The following ATP5PO variants were observed in gnomAD, a reference collection of about 807,000 sequenced individuals.
ATP5PO encodes the protein ATP synthase peripheral stalk subunit OSCP.
Under a neutral mutation model 26.2 loss-of-function variants are expected in ATP5PO, and 14 were observed. The ratio of observed to expected loss-of-function variants is 0.53; its 90% CI spans 0.35 to 0.83. The LOEUF (loss-of-function observed/expected upper bound fraction) is 0.83, where lower values mean the gene tolerates loss of function less well. Among genes scored for constraint, ATP5PO ranks in the 40% least tolerant of loss-of-function variants. The pLI is 0.01. For missense variants in ATP5PO, 241 were observed against 258.5 expected (o/e 0.93, Z 0.46); for synonymous variants, 106 against 95.1 (o/e 1.12, Z -0.67).
intron 5 of ATP5PO, among the ~76,000 whole-genome samples, chr21:33,905,724 C>T (rs1327790351): frequency 6.6e-6 from 1 of 151,794 alleles, no homozygotes; most frequent in African/African-American, 2.4e-5. Context: ...ACCAGCCTGG[C>T]CAACATGGTG....
At chr21:33,906,028 C>A (rs147233885) in intron 5 of ATP5PO, among the ~76,000 whole-genome samples, 1 of 151,878 alleles carries the variant, frequency 6.6e-6, no homozygotes, top group African/African-American at 2.4e-5. Flanking sequence ...CTAATCTGTG[C>A]CACACTGTTA....
chr21:33,904,476 T>C (rs547232857), intron 5 of ATP5PO, among the ~76,000 whole-genome samples: 7 of 152,312 alleles, frequency 4.6e-5, no homozygotes, highest in African/African-American at 1.7e-4. Context: ...TTTTACATCT[T>C]CATGTTTGCC....
intron 3 of ATP5PO, among the ~76,000 whole-genome samples, chr21:33,910,674 G>C (rs1400753463): frequency 6.6e-6 from 1 of 152,168 alleles, no homozygotes; most frequent in African/African-American, 2.4e-5. Flanking sequence ...GCCTGTGTGA[G>C]ACCCCGTCTG....
intron 5 of ATP5PO, among the ~76,000 whole-genome samples, chr21:33,904,416 C>T (rs1022692364): frequency 5.3e-5 from 8 of 152,200 alleles, no homozygotes; most frequent in Admixed American, 3.9e-4. Context: ...CCTGGGGACA[C>T]GACATGCATC....
intron 5 of ATP5PO, among the ~76,000 whole-genome samples, chr21:33,905,738 C>T (rs566455490): frequency 6.6e-6 from 1 of 152,014 alleles, no homozygotes; most frequent in South Asian, 2.1e-4. Flanking sequence ...CATGGTGAAA[C>T]TCCATCTCTA....
At chr21:33,907,315 C>A (rs1301258616) in intron 5 of ATP5PO, 26 bp downstream of exon 5, 1 of 1,576,270 alleles carries the variant, frequency 6.3e-7, no homozygotes, top group Admixed American at 1.7e-5. Flanking sequence ...TCAAGGCAAA[C>A]ACAGCAGCAA....
intron 5 of ATP5PO, chr21:33,906,867 T>C: frequency 2.3e-6 from 1 of 429,196 alleles, no homozygotes; most frequent in South Asian, 1.7e-5. Context: ...GGGGGTGCAC[T>C]GTAATCCCAG....
In ATP5PO at chr21:33,915,570, G is replaced by T. The variant is rs571504008; in HGVS notation, c.36+158C>A. Reference sequence around the variant, plus strand: ...CCCGTAGGCATCCCGGGGGACAAACGCTGGGTCGTCCTGAGTCGCTCCCAC... The same window carrying T: ...CCCGTAGGCATCCCGGGGGACAAACTCTGGGTCGTCCTGAGTCGCTCCCAC... On this transcript the variant is annotated intron_variant, in intron 1 of 6. Transcript: ENST00000290299. The T allele has an allele frequency of 1.4e-5, 16 of 1,133,220 alleles. No individual in the cohort carries two copies. The South Asian group carries it at 1.7e-4, about 12-fold the overall frequency. The allele number at this position is 1,133,220 out of a possible 1,614,324, so 70.2% of individuals were successfully genotyped here. A position where few individuals can be genotyped will look rare whatever the true frequency, so the allele number is the denominator to read the frequency against.
chr21:33,904,043 T>C (rs754700688), intron 5 of ATP5PO, 22 bp from the exon 6 acceptor site: 35 of 1,583,230 alleles, frequency 2.2e-5, no homozygotes, highest in Non-Finnish European at 3.0e-5. Flanking sequence ...AACCATCCTT[T>C]CAATTTAGAT....
chr21:33,913,348 G>A (rs184014451), intron 2 of ATP5PO, among the ~76,000 whole-genome samples: 125 of 152,268 alleles, frequency 8.2e-4, no homozygotes, highest in Non-Finnish European at 1.4e-3. Context: ...TCCAAGGGGC[G>A]GACTGGCTCA....
intron 3 of ATP5PO, among the ~76,000 whole-genome samples, chr21:33,911,825 C>T (rs898506225): frequency 6.6e-6 from 1 of 151,798 alleles, no homozygotes; most frequent in Non-Finnish European, 1.5e-5. Flanking sequence ...TACCACGTCC[C>T]GCTAATTTTT....
intron 1 of ATP5PO, chr21:33,915,474 G>A: frequency 7.3e-6 from 4 of 549,764 alleles, no homozygotes; most frequent in Non-Finnish European, 9.4e-6. Flanking sequence ...GCGCCCCTCA[G>A]GCTAGCAGCT....
chr21:33,915,410 G>A (rs1309741895), intron 1 of ATP5PO: 19 of 430,954 alleles, frequency 4.4e-5, no homozygotes. Flanking sequence ...GCTGATTTGG[G>A]GGCTAGTCCA....
At chr21:33,907,195 A>G (rs912176329) in intron 5 of ATP5PO, 146 bp downstream of exon 5, 1 of 681,112 alleles carries the variant, frequency 1.5e-6, no homozygotes, top group African/African-American at 1.8e-5. Context: ...GGGTCACAGA[A>G]GCTGATATAA....
At chr21:33,908,787 C>T (rs1003477983) in intron 4 of ATP5PO, 4 of 280,370 alleles carry the variant, frequency 1.4e-5, no homozygotes, top group Non-Finnish European at 2.7e-5. Flanking sequence ...GGCCACGAAC[C>T]ATTTTCTTGG....
intron 1 of ATP5PO, chr21:33,914,981 A>G (rs757672401): frequency 6.5e-6 from 1 of 154,100 alleles, no homozygotes; most frequent in Non-Finnish European, 1.4e-5. Flanking sequence ...TATCCTGCCC[A>G]TCAAAAGACA....
At chr21:33,907,504 T>G (rs1242098508) in intron 4 of ATP5PO, 51 bp from the exon 5 acceptor site, 10 of 1,499,634 alleles carry the variant, frequency 6.7e-6, no homozygotes, top group Non-Finnish European at 8.4e-6. Flanking sequence ...GAACAAGTTA[T>G]TCATGAAGTT....
rs1168476512 is a variant in ATP5PO at position 33,904,825 on chromosome 21, C to T, written c.442-804G>A. Among the ~76,000 whole-genome samples, 5 of 152,302 alleles carry T rather than the reference C, an allele frequency of 3.3e-5. No individual in the cohort carries two copies. In the East Asian group the frequency reaches 9.6e-4, roughly 29 times the overall value. ...GCGAGATCTCGGCTTACTGTAGCCT[C>T]CGCCTCCCAGGTTCAAGTGATTCTC... is the stretch of plus-strand genomic sequence containing the variant. On this transcript the variant is annotated intron_variant, in intron 5 of 6. Transcript: ENST00000290299.
At chr21:33,908,843 C>G in intron 4 of ATP5PO, 1 of 409,026 alleles carries the variant, frequency 2.4e-6, no homozygotes. Flanking sequence ...ACTGACTATA[C>G]AATTAGACAT....
Sources: allele counts gnomAD v4.1 joint callset (sites outside exome capture counted in the v4.1 genomes callset), GRCh38; gene constraint gnomAD v4.1.1; transcripts MANE v1.5; gene names NCBI Gene and HGNC (gene_info 2026-07-23, HGNC 2026-07-21).